TANC1: variants seen among roughly 807,000 people sequenced by gnomAD.
TANC1 encodes tetratricopeptide repeat, ankyrin repeat and coiled-coil containing 1.
In TANC1, 77 loss-of-function variants were observed where a neutral mutation model predicts 149.7. The observed-to-expected ratio is 0.51, with a 90% CI of 0.43 to 0.62. The LOEUF (loss-of-function observed/expected upper bound fraction) is 0.62, where lower values mean the gene tolerates loss of function less well. Among genes scored for constraint, TANC1 ranks in the 20% least tolerant of loss-of-function variants. The pLI is 0.00. For missense variants in TANC1, 1,985 were observed against 2,321.8 expected (o/e 0.85, Z 2.98); for synonymous variants, 854 against 925.0 (o/e 0.92, Z 1.39).
chr2:159,170,191 A>C (rs1426924054), intron 9 of TANC1, among the ~76,000 whole-genome samples: 1 of 152,160 alleles, frequency 6.6e-6, no homozygotes, highest in Non-Finnish European at 1.5e-5. Flanking sequence ...GCAGTTCCAG[A>C]TGAACCAATG....
chr2:159,043,422 C>T (rs1201504441), intron 2 of TANC1, among the ~76,000 whole-genome samples: 1 of 152,098 alleles, frequency 6.6e-6, no homozygotes, highest in Non-Finnish European at 1.5e-5. Context: ...GGAATCCATG[C>T]TTTGACAGGC....
intron 19 of TANC1, among the ~76,000 whole-genome samples, chr2:159,214,810 AT>A (rs1415138853): frequency 6.6e-6 from 1 of 152,140 alleles, no homozygotes; most frequent in Non-Finnish European, 1.5e-5. Flanking sequence ...GCAAACATAG[AT>A]TAAGAGGCTT....
chr2:159,013,789 A>G (rs1384142080), intron 2 of TANC1, among the ~76,000 whole-genome samples: 2 of 152,244 alleles, frequency 1.3e-5, no homozygotes, highest in Non-Finnish European at 2.9e-5. Flanking sequence ...ACCAGGTACC[A>G]GAAAGTAGAT....
chr2:159,197,350 C>T (rs185126411), intron 18 of TANC1, among the ~76,000 whole-genome samples: 9 of 152,304 alleles, frequency 5.9e-5, no homozygotes, highest in Admixed American at 4.6e-4. Context: ...TAATTGTCAC[C>T]TCCTGACCTG....
intron 3 of TANC1, among the ~76,000 whole-genome samples, chr2:159,069,982 A>G (rs2043006371): frequency 6.6e-6 from 1 of 151,752 alleles, no homozygotes; most frequent in Non-Finnish European, 1.5e-5. Context: ...GGTTTCCGCC[A>G]TGTTGCCCAG....
Position 159,136,311 on chromosome 2 carries a change from G to C in TANC1, c.364+13G>C. The C allele has an allele frequency of 6.9e-7, 1 of 1,444,578 alleles. No homozygotes were observed. The highest frequency in any genetic ancestry group is 9.8e-7 in the Non-Finnish European group (1 of 1,025,130). The allele number at this position is 1,444,578 out of a possible 1,614,324, so 89.5% of individuals were successfully genotyped here. A position where few individuals can be genotyped will look rare whatever the true frequency, so the allele number is the denominator to read the frequency against. On this transcript the variant is annotated intron_variant, in intron 5 of 26. Coordinates refer to ENST00000263635, the MANE Select transcript of TANC1 (RefSeq NM_033394.3). ...CCTGATGAGCATGGTAAGAATTTCA[G>C]TGATTTCCTTCCCCCTCTACCAAAG...
intron 7 of TANC1, 113 bp downstream of exon 7, chr2:159,150,669 G>A (rs549702231): frequency 2.5e-5 from 19 of 770,598 alleles, no homozygotes; most frequent in South Asian, 1.9e-4. Context: ...GTCTGCCAGC[G>A]CCTGCTCTGT....
chr2:158,986,099 A>C (rs965232587), intron 1 of TANC1, among the ~76,000 whole-genome samples: 3 of 152,194 alleles, frequency 2.0e-5, no homozygotes, highest in African/African-American at 7.2e-5. Flanking sequence ...CTTTTGCATG[A>C]ATGACTCCAT....
Position 159,179,165 on chromosome 2 carries a change from T to C in TANC1, c.2510+2T>C, listed in dbSNP as rs771642616. 6.2e-6 allele frequency: 10 copies of C among 1,603,534 alleles called. No individual in the cohort carries two copies. The highest frequency in any genetic ancestry group is 8.5e-6 in the Non-Finnish European group (10 of 1,173,894). ...CACGGCCTTCCTGTGTGAGCCCAGG[T>C]ACGGCAGGCGCTTTCTTTCAGCTCT... On this transcript the variant is annotated splice_donor_variant, in intron 14 of 26. Coordinates refer to ENST00000263635, the MANE Select transcript of TANC1 (RefSeq NM_033394.3). LOFTEE classifies it high-confidence loss of function.
chr2:159,153,005 C>G (rs2150336758), intron 7 of TANC1, among the ~76,000 whole-genome samples: 1 of 152,268 alleles, frequency 6.6e-6, no homozygotes, highest in Non-Finnish European at 1.5e-5. Context: ...TTACATGTTC[C>G]CCATAGTGTC....
chr2:159,034,572 G>T (rs1486456652), intron 2 of TANC1, among the ~76,000 whole-genome samples: 1 of 152,172 alleles, frequency 6.6e-6, no homozygotes, highest in Non-Finnish European at 1.5e-5. Context: ...CCACCTCAGG[G>T]CGGTTGATAG....
intron 22 of TANC1, among the ~76,000 whole-genome samples, chr2:159,221,411 T>C (rs1267624340): frequency 2.0e-5 from 3 of 152,110 alleles, no homozygotes; most frequent in African/African-American, 7.2e-5. Flanking sequence ...TTATTAATTC[T>C]AGTTGCAGTA....
intron 3 of TANC1, among the ~76,000 whole-genome samples, chr2:159,087,467 GT>G (rs56181604): frequency 0.061 from 8,158 of 134,608 alleles, 313 homozygotes; most frequent in Admixed American, 0.14. Flanking sequence ...TTGTTTTTCC[GT>G]TTTTTTTTTT....
At chr2:158,998,136 C>T (rs753425743) in intron 1 of TANC1, among the ~76,000 whole-genome samples, 2 of 151,820 alleles carry the variant, frequency 1.3e-5, no homozygotes, top group East Asian at 1.9e-4. Context: ...TGGTGGTGTG[C>T]GCCTGTAGTT....
At chr2:159,090,722 A>G (rs1296554435) in intron 3 of TANC1, among the ~76,000 whole-genome samples, 1 of 152,048 alleles carries the variant, frequency 6.6e-6, no homozygotes, top group East Asian at 1.9e-4. Flanking sequence ...TCGTGACTTC[A>G]CCCTTCATTG....
chr2:159,097,282 G>A (rs1160282246), intron 3 of TANC1, among the ~76,000 whole-genome samples: 1 of 152,172 alleles, frequency 6.6e-6, no homozygotes, highest in East Asian at 1.9e-4. Flanking sequence ...ACTCATGTAA[G>A]GCTAGTAAGC....
chr2:159,075,213 G>A (rs1357722365), intron 3 of TANC1, among the ~76,000 whole-genome samples: 1 of 152,064 alleles, frequency 6.6e-6, no homozygotes, highest in African/African-American at 2.4e-5. Context: ...TACTAGAGAA[G>A]TAAAAATGAG....
intron 2 of TANC1, among the ~76,000 whole-genome samples, chr2:159,049,896 T>C (rs747276876): frequency 6.6e-6 from 1 of 152,100 alleles, no homozygotes; most frequent in Non-Finnish European, 1.5e-5. Context: ...GGAAATAAAG[T>C]AGTGTAACTG....
At chr2:158,980,491 T>C (rs1431867322) in intron 1 of TANC1, among the ~76,000 whole-genome samples, 2 of 152,052 alleles carry the variant, frequency 1.3e-5, no homozygotes, top group African/African-American at 4.8e-5. Flanking sequence ...TATTATCTAA[T>C]TTGGGCTGGG....
Sources: gnomAD v4.1 joint callset for allele counts (sites outside exome capture counted in the v4.1 genomes callset) on GRCh38, gnomAD v4.1.1 for gene constraint, MANE v1.5 for transcripts, NCBI Gene and HGNC (gene_info 2026-07-23, HGNC 2026-07-21) for gene names.